The following ARAP1 variants were observed in gnomAD, a reference collection of about 807,000 sequenced individuals.
ARAP1 encodes ArfGAP with RhoGAP domain, ankyrin repeat and PH domain 1, also known as arf-GAP with Rho-GAP domain, ANK repeat and PH domain-containing protein 1.
In ARAP1, 76 loss-of-function variants were observed where a neutral mutation model predicts 172.2. The observed-to-expected ratio is 0.44, with a 90% CI of 0.37 to 0.53. The LOEUF (loss-of-function observed/expected upper bound fraction) is 0.53, where lower values mean the gene tolerates loss of function less well. Ranked by LOEUF, ARAP1 falls within the 20% of genes least tolerant of loss-of-function variation. The pLI is 0.00. For missense variants in ARAP1, 1,686 were observed against 1,977.5 expected, an observed-to-expected ratio of 0.85 and a Z score of 2.80; for synonymous variants, 804 against 803.3, an observed-to-expected ratio of 1.00 and a Z score of -0.01.
At chr11:72,688,285 GA>G (rs1056145096) in intron 31 of ARAP1, among the ~76,000 whole-genome samples, 169 bp downstream of exon 31, 5 of 152,278 alleles carry the variant, frequency 3.3e-5, no homozygotes, top group Non-Finnish European at 7.4e-5. Context: ...GCACTTGGCA[GA>G]GAATTTGTGT....
In ARAP1 at chr11:72,750,410, C is replaced by T. The variant is rs578014703; in HGVS notation, c.-128+1918G>A. Among the ~76,000 whole-genome samples the T allele has an allele frequency of 9.6e-4, 146 of 152,186 alleles. 1 individual carries two copies. The highest frequency in any genetic ancestry group is 3.2e-3 in the African/African-American group (134 of 41,516). ...GTTGGGTGGGAAGGAGAGAGGGCTC[C>T]GGAAAATGGAAGGGACTCCCCACCT... On this transcript the variant is annotated intron_variant, in intron 1 of 34. Transcript: ENST00000393609.
chr11:72,696,846 G>T, intron 22 of ARAP1, 137 bp downstream of exon 22: 2 of 1,040,732 alleles, frequency 1.9e-6, no homozygotes, highest in Non-Finnish European at 2.7e-6. Context: ...GAGCGGCGAT[G>T]GGAATGAGAA....
intron 1 of ARAP1, among the ~76,000 whole-genome samples, chr11:72,736,274 G>A (rs1474379734): frequency 3.0e-5 from 4 of 132,240 alleles, no homozygotes; most frequent in East Asian, 2.2e-4. Flanking sequence ...GGAAGGTCTC[G>A]CTTTGTTGCC....
At position 72,698,092 on chromosome 11, in the gene ARAP1, G is replaced by C. The variant is rs1856299691; in HGVS notation, c.2556C>G (p.Pro852=). ...CCCGGGCCAGCAGATCCTCGGCTAG[G>C]GGAGGCACGAATGCCTGGCAGAGAG... is the stretch of plus-strand genomic sequence containing the variant. ...VKCIAKAFVP[P]LAEDLLARDF... Residue 852 remains proline (P), a synonymous_variant, in exon 19 of 35, where the codon CCC becomes CCG. Coordinates refer to ENST00000393609, the MANE Select transcript of ARAP1 (RefSeq NM_001040118.3). 1.3e-6 allele frequency: 2 copies of C among 1,598,992 alleles called. No homozygotes were observed. Among genetic ancestry groups the C allele is most frequent in the African/African-American group, 1.3e-5 (1 of 74,736 alleles).
chr11:72,695,717 C>A lies in ARAP1; in HGVS notation c.3420+1G>T, dbSNP rs1856158653. On this transcript the variant is annotated splice_donor_variant, in intron 24 of 34. Transcript: ENST00000393609. LOFTEE classifies it high-confidence loss of function. The surrounding 1 kb of genome is among the most constrained non-coding windows in gnomAD (Gnocchi z 4.4). ...CCACTGCCCACTGGCCAGGGACGCA[C>A]ACTAAACACCACCACATAGTGGTTA... is the stretch of plus-strand genomic sequence containing the variant. 1 of 1,614,052 alleles carries A rather than the reference C, an allele frequency of 6.2e-7. No homozygotes were observed. Among genetic ancestry groups the A allele is most frequent in the African/African-American group, 1.3e-5 (1 of 74,950 alleles).
chr11:72,710,640 G>T lies in ARAP1; in HGVS notation c.1214-53C>A, dbSNP rs989047334. On this transcript the variant is annotated intron_variant, in intron 9 of 34. Coordinates refer to ENST00000393609, the MANE Select transcript of ARAP1 (RefSeq NM_001040118.3). This position sits in a 1 kb window ranked among gnomAD's most constrained non-coding sequence, Gnocchi z 4.3. ...CCAAGGTTGCAGGGAGCCCCTCAGG[G>T]GTCTCCTGGCCCTAGGCTCCTCATG... 2 of 1,528,816 alleles carry T rather than the reference G, an allele frequency of 1.3e-6. No individual in the cohort carries two copies. The highest frequency in any genetic ancestry group is 8.8e-7 in the Non-Finnish European group (1 of 1,136,270). The allele number at this position is 1,528,816 out of a possible 1,614,324, so 94.7% of individuals were successfully genotyped here. A position where few individuals can be genotyped will look rare whatever the true frequency, so the allele number is the denominator to read the frequency against.
intron 3 of ARAP1, among the ~76,000 whole-genome samples, chr11:72,723,944 T>C (rs1298408529): frequency 1.3e-5 from 2 of 152,050 alleles, no homozygotes; most frequent in Admixed American, 6.5e-5. Flanking sequence ...ATAACACAAA[T>C]GTCATGTTCT....
At chr11:72,722,273 G>T (rs542829752) in intron 3 of ARAP1, 126 of 985,568 alleles carry the variant, frequency 1.3e-4, no homozygotes, top group Non-Finnish European at 1.5e-4. Context: ...CTGGTCTCCC[G>T]GAGGCTTCCT....
intron 1 of ARAP1, among the ~76,000 whole-genome samples, chr11:72,739,959 T>C (rs67034709): frequency 0.15 from 22,398 of 152,188 alleles, 2,156 homozygotes; most frequent in African/African-American, 0.27. Context: ...TGCCCTGGCA[T>C]GGCACACTCC....
chr11:72,730,779 T>C lies in ARAP1; in HGVS notation c.-45+1736A>G, dbSNP rs58756839. ...GCATTTTTACTGGCACCTGCCAGAATTGACATATATAGAAGGTTACTAGCT... is the reference window on the plus strand; with the variant it reads ...GCATTTTTACTGGCACCTGCCAGAACTGACATATATAGAAGGTTACTAGCT... On this transcript the variant is annotated intron_variant, in intron 2 of 34. Coordinates refer to ENST00000393609, the MANE Select transcript of ARAP1 (RefSeq NM_001040118.3). 7.1e-3 allele frequency among the ~76,000 whole-genome samples: 1,086 copies of C among 152,316 alleles called. 17 individuals are homozygous for C. Among genetic ancestry groups the C allele is most frequent in the African/African-American group, 0.025 (1,019 of 41,552 alleles).
At chr11:72,713,704 A>G (rs1250609736) in intron 4 of ARAP1, among the ~76,000 whole-genome samples, 3 of 151,988 alleles carry the variant, frequency 2.0e-5, no homozygotes, top group Non-Finnish European at 4.4e-5. Flanking sequence ...AAAATTAGCC[A>G]GGTATGGTGG....
chr11:72,720,093 C>T (rs958124739), intron 3 of ARAP1, among the ~76,000 whole-genome samples: 1 of 152,190 alleles, frequency 6.6e-6, no homozygotes, highest in Non-Finnish European at 1.5e-5. Context: ...AGAGTCACCA[C>T]CTCCCCACAA....
intron 1 of ARAP1, among the ~76,000 whole-genome samples, chr11:72,736,783 TG>T (rs1346185886): frequency 5.9e-5 from 9 of 152,198 alleles, no homozygotes; most frequent in Non-Finnish European, 2.9e-5. Flanking sequence ...CTCCTTGGTC[TG>T]TCATTCAACT....
chr11:72,698,131 C>T (rs1335729305), intron 18 of ARAP1, 25 bp from the exon 19 acceptor site: 2 of 1,558,506 alleles, frequency 1.3e-6, no homozygotes, highest in African/African-American at 1.4e-5. Flanking sequence ...CCGGGGGAGA[C>T]AGCATCAGCC....
rs925795244 is a variant in ARAP1, at chr11:72,741,752, C to G, written c.-127-9155G>C. On this transcript the variant is annotated intron_variant, in intron 1 of 34. Transcript: ENST00000393609. This position sits in a 1 kb window ranked among gnomAD's most constrained non-coding sequence, Gnocchi z 4.5. Reference sequence around the variant, plus strand: ...GTGGACAGACCCAGTGACACCAGCACTCAAGATACAGACCCTCACCACGTG... The same window carrying G: ...GTGGACAGACCCAGTGACACCAGCAGTCAAGATACAGACCCTCACCACGTG... Among the ~76,000 whole-genome samples the G allele has an allele frequency of 4.6e-5, 7 of 152,264 alleles. No homozygotes were observed. The East Asian group carries it at 1.2e-3, about 25-fold the overall frequency.
At chr11:72,705,709 G>A (rs1856727594) in intron 13 of ARAP1, 96 bp downstream of exon 13, 1 of 1,326,590 alleles carries the variant, frequency 7.5e-7, no homozygotes, top group Non-Finnish European at 1.1e-6. Flanking sequence ...GCTCCAAGGT[G>A]CTGTGGTCAC....
rs896734082 is a variant in ARAP1 at position 72,718,089 on chromosome 11, G to A, written c.510-3768C>T. Among the ~76,000 whole-genome samples the A allele has an allele frequency of 3.3e-5, 5 of 152,306 alleles. No homozygotes were observed. In the East Asian group the frequency reaches 9.6e-4, roughly 29 times the overall value. On this transcript the variant is annotated intron_variant, in intron 3 of 34. Transcript: ENST00000393609. ...TGTCTCACGAAGGTGGAACACAGGG[G>A]CCTCTCGGAAGCATCTGGGAAATTC... is the stretch of plus-strand genomic sequence containing the variant.
intron 1 of ARAP1, among the ~76,000 whole-genome samples, chr11:72,747,447 A>C (rs1858401219): frequency 6.6e-6 from 1 of 152,058 alleles, no homozygotes; most frequent in East Asian, 1.9e-4. Context: ...CAACAGGATC[A>C]GGTTCCTGGT....
chr11:72,711,603 G>T, intron 7 of ARAP1, 104 bp from the exon 8 acceptor site: 1 of 937,644 alleles, frequency 1.1e-6, no homozygotes, highest in Non-Finnish European at 1.7e-6. Context: ...GATCAGCCAG[G>T]TTCTAGGGAG....
Sources: gnomAD v4.1 joint callset for allele counts (sites outside exome capture counted in the v4.1 genomes callset) on GRCh38, gnomAD v4.1.1 for gene constraint, Gnocchi (gnomAD v3.1) non-coding constraint, MANE v1.5 for transcripts, NCBI Gene and HGNC (gene_info 2026-07-23, HGNC 2026-07-21) for gene names.